Variants in SLC27A6 observed in about 807,000 individuals in gnomAD.
SLC27A6 encodes the protein long-chain fatty acid transport protein 6.
In SLC27A6, 74 loss-of-function variants were observed where a neutral mutation model predicts 63.9. The ratio of observed to expected loss-of-function variants is 1.16; its 90% CI spans 0.96 to 1.40. The LOEUF (loss-of-function observed/expected upper bound fraction) is 1.40. Ranked by LOEUF, SLC27A6 falls within the 40% of genes most tolerant of loss-of-function variation. The probability of loss-of-function intolerance (pLI) is 0.00; values close to 1 mark genes in which losing one functional copy is unlikely to be tolerated. For synonymous variants in SLC27A6, 287 were observed against 260.8 expected, an observed-to-expected ratio of 1.10 and a Z score of -0.97; for missense variants, 794 against 732.9, an observed-to-expected ratio of 1.08 and a Z score of -0.96.
intron 4 of SLC27A6, among the ~76,000 whole-genome samples, chr5:129,004,031 G>T (rs1446164938): frequency 2.7e-5 from 4 of 150,096 alleles, no homozygotes; most frequent in African/African-American, 9.8e-5. Context: ...TGAGCTTTCT[G>T]AGAACTCAGA....
intron 5 of SLC27A6, among the ~76,000 whole-genome samples, chr5:129,021,226 A>G (rs1028821304): frequency 6.6e-6 from 1 of 150,684 alleles, no homozygotes; most frequent in African/African-American, 2.4e-5. Flanking sequence ...TCTATTAAGA[A>G]TGACATTCCA....
chr5:129,018,989 A>C (rs1306810639), intron 5 of SLC27A6, among the ~76,000 whole-genome samples: 1 of 152,118 alleles, frequency 6.6e-6, no homozygotes, highest in Non-Finnish European at 1.5e-5. Flanking sequence ...CTCATAATTA[A>C]GAGAGGAGAT....
At chr5:128,992,339 T>C (rs1009996323) in intron 4 of SLC27A6, among the ~76,000 whole-genome samples, 1 of 152,130 alleles carries the variant, frequency 6.6e-6, no homozygotes, top group Non-Finnish European at 1.5e-5. Flanking sequence ...TCTTCTCTTC[T>C]CTTTGGCTAA....
intron 4 of SLC27A6, among the ~76,000 whole-genome samples, chr5:128,992,764 A>T (rs1462711820): frequency 6.6e-6 from 1 of 152,102 alleles, no homozygotes; most frequent in Non-Finnish European, 1.5e-5. Flanking sequence ...TAATTTAGGG[A>T]ATTAATGCCC....
chr5:129,033,375 T>C lies in SLC27A6; in HGVS notation c.*93T>C. Reference sequence around the variant, plus strand: ...TGAAATGGGGAAAGGGAGCTAACATTAATTATGCATGTACTATATTTCCTT... The same window carrying C: ...TGAAATGGGGAAAGGGAGCTAACATCAATTATGCATGTACTATATTTCCTT... On this transcript the variant is annotated 3_prime_UTR_variant, in exon 10 of 10. Transcript: ENST00000262462. The C allele has an allele frequency of 3.1e-6, 2 of 648,850 alleles. No homozygotes were observed. The highest frequency in any genetic ancestry group is 5.1e-6 in the Non-Finnish European group (2 of 393,934). 40.2% of individuals were successfully genotyped at this position (648,850 alleles called of 1,614,324 possible). A position where few individuals can be genotyped will look rare whatever the true frequency, so the allele number is the denominator to read the frequency against.
chr5:128,990,130 G>A (rs1337486930), intron 3 of SLC27A6, among the ~76,000 whole-genome samples: 1 of 152,140 alleles, frequency 6.6e-6, no homozygotes, highest in South Asian at 2.1e-4. Flanking sequence ...CATATTTTCA[G>A]TCAAAATTTA....
At chr5:128,985,992 A>G (rs1270680005) in intron 2 of SLC27A6, among the ~76,000 whole-genome samples, 1 of 152,192 alleles carries the variant, frequency 6.6e-6, no homozygotes, top group East Asian at 1.9e-4. Context: ...AACAACAGCA[A>G]TAACAATAAT....
chr5:129,031,957 T>C (rs1174451285), intron 9 of SLC27A6, among the ~76,000 whole-genome samples: 1 of 151,814 alleles, frequency 6.6e-6, no homozygotes, highest in Non-Finnish European at 1.5e-5. Flanking sequence ...TGAAGTTGAC[T>C]CAAATAGTCC....
rs551666493 is a variant in SLC27A6, at chr5:128,966,329, C to T, written c.192C>T (p.Ala64=). ...TGCTGGATAAATTCTTGAGTCATGCCAAAAGACAACCTCGGAAACCTTTCA... is the reference window on the plus strand; with the variant it reads ...TGCTGGATAAATTCTTGAGTCATGCTAAAAGACAACCTCGGAAACCTTTCA... The part of the protein sequence containing the change: ...VTVLDKFLSH[A]KRQPRKPFII... The change falls in exon 1 of 10, where the codon GCC becomes GCT. Residue 64 remains alanine (A), a synonymous_variant. Transcript: ENST00000262462. The T allele has an allele frequency of 5.7e-5, 92 of 1,613,948 alleles. No homozygotes were observed. The highest frequency in any genetic ancestry group is 7.6e-5 in the Non-Finnish European group (90 of 1,180,008).
rs1488995860 is a variant in SLC27A6 at position 128,965,827 on chromosome 5, T to G, written c.-311T>G. 2 of 263,340 alleles carry G rather than the reference T, an allele frequency of 7.6e-6. No homozygotes were observed. The highest frequency in any genetic ancestry group is 1.4e-5 in the Non-Finnish European group (2 of 138,124). 16.3% of individuals were successfully genotyped at this position (263,340 alleles called of 1,614,324 possible). On this transcript the variant is annotated 5_prime_UTR_variant, in exon 1 of 10. Coordinates refer to ENST00000262462, the MANE Select transcript of SLC27A6 (RefSeq NM_001017372.3). The stretch of plus-strand genomic sequence containing the variant: ...GGGAGGCGAGGGCGCAGCGCTGGGG[T>G]TGTAGATTCCAAGACCCCTGAGGGT...
At chr5:128,971,201 G>C (rs1459277628) in intron 1 of SLC27A6, among the ~76,000 whole-genome samples, 5 of 152,198 alleles carry the variant, frequency 3.3e-5, no homozygotes, top group Admixed American at 3.3e-4. Flanking sequence ...TTTGGAATAA[G>C]TGTGATGTGG....
intron 5 of SLC27A6, 34 bp from the exon 6 acceptor site, chr5:129,023,586 C>T: frequency 1.4e-6 from 2 of 1,478,154 alleles, no homozygotes; most frequent in Non-Finnish European, 1.9e-6. Context: ...TAACTAAATG[C>T]TTGTTTCTAT....
At chr5:128,977,123 C>T (rs1298053679) in intron 1 of SLC27A6, among the ~76,000 whole-genome samples, 5 of 152,074 alleles carry the variant, frequency 3.3e-5, no homozygotes, top group Non-Finnish European at 7.3e-5. Context: ...CAAAAATATG[C>T]GAAGTAAATT....
intron 4 of SLC27A6, among the ~76,000 whole-genome samples, chr5:129,011,576 G>T (rs924226499): frequency 3.9e-5 from 6 of 152,100 alleles, no homozygotes; most frequent in African/African-American, 1.4e-4. Context: ...AACTTAAATA[G>T]ATTTATGCAG....
intron 1 of SLC27A6, among the ~76,000 whole-genome samples, chr5:128,974,280 C>T (rs1750298667): frequency 6.6e-6 from 1 of 152,130 alleles, no homozygotes; most frequent in South Asian, 2.1e-4. Context: ...GTTTTTAACA[C>T]CAACAGTCAG....
Position 128,966,072 on chromosome 5 carries a change from G to T in SLC27A6, c.-66G>T. 6.6e-7 allele frequency: 1 copy of T among 1,508,448 alleles called. No homozygotes were observed. Among genetic ancestry groups the T allele is most frequent in the Non-Finnish European group, 8.8e-7 (1 of 1,131,350 alleles). 93.4% of individuals were successfully genotyped at this position (1,508,448 alleles called of 1,614,324 possible). On this transcript the variant is annotated 5_prime_UTR_variant, in exon 1 of 10. Transcript: ENST00000262462. Reference sequence around the variant, plus strand: ...GGATCTGCGGTCTCCGTGGAGAGCTGTGCCTGGAAGAGAAGGACGCTGGTG... The same window carrying T: ...GGATCTGCGGTCTCCGTGGAGAGCTTTGCCTGGAAGAGAAGGACGCTGGTG...
intron 8 of SLC27A6, among the ~76,000 whole-genome samples, 166 bp from the exon 9 acceptor site, chr5:129,029,411 G>A (rs553899407): frequency 6.6e-6 from 1 of 152,032 alleles, no homozygotes; most frequent in Non-Finnish European, 1.5e-5. Context: ...TTTCTAGGGG[G>A]TAAATCATAT....
intron 5 of SLC27A6, among the ~76,000 whole-genome samples, chr5:129,020,927 G>A (rs1470882907): frequency 6.6e-6 from 1 of 152,012 alleles, no homozygotes; most frequent in Non-Finnish European, 1.5e-5. Context: ...GTGTTGTGGA[G>A]TCAGAACAGC....
At chr5:129,019,861 C>T (rs577229430) in intron 5 of SLC27A6, among the ~76,000 whole-genome samples, 1 of 151,934 alleles carries the variant, frequency 6.6e-6, no homozygotes, top group South Asian at 2.1e-4. Flanking sequence ...TCTGATGTGT[C>T]CTTAATTGGT....
Sources: allele counts gnomAD v4.1 joint callset (sites outside exome capture counted in the v4.1 genomes callset), GRCh38; gene constraint gnomAD v4.1.1; transcripts MANE v1.5; gene names NCBI Gene and HGNC (gene_info 2026-07-23, HGNC 2026-07-21).